Variants in FRMD5 observed in about 807,000 individuals in gnomAD.
FRMD5 encodes the protein FERM domain-containing protein 5.
FRMD5 carries 20 observed loss-of-function variants against 69.0 expected under a neutral mutation model. The ratio of observed to expected loss-of-function variants is 0.29; its 90% CI spans 0.20 to 0.42. The LOEUF (loss-of-function observed/expected upper bound fraction) is 0.42. Ranked by LOEUF, FRMD5 falls within the 10% of genes least tolerant of loss-of-function variation. FRMD5 has a pLI of 1.00. For synonymous variants in FRMD5, 271 were observed against 260.1 expected, an observed-to-expected ratio of 1.04 and a Z score of -0.40; for missense variants, 595 against 708.6, an observed-to-expected ratio of 0.84 and a Z score of 1.82.
At chr15:44,087,737 TATCATCATCATCATCATCATC>T (rs61525802) in intron 1 of FRMD5, among the ~76,000 whole-genome samples, 5 of 148,176 alleles carry the variant, frequency 3.4e-5, no homozygotes, top group East Asian at 2.0e-4. Context: ...TATCAGCTGC[TATCATCATCATCATCATCATC>T]ATCATCATCA....
In FRMD5 at chr15:44,106,212, AATT is replaced by A. The variant is rs557314723; in HGVS notation, c.102+88738_102+88740del. ...AATGGGTCTGATACCCAATAATTAAAATTATTTTAATAAGCCAAATTCTTCATG... is the reference window on the plus strand; with the variant it reads ...AATGGGTCTGATACCCAATAATTAAAATTTTAATAAGCCAAATTCTTCATG... On this transcript the variant is annotated intron_variant, in intron 1 of 13. Transcript: ENST00000417257. Among the ~76,000 whole-genome samples the A allele has an allele frequency of 2.0e-5, 3 of 152,296 alleles. No homozygotes were observed. In the South Asian group the frequency reaches 6.2e-4, roughly 32 times the overall value.
Position 43,871,219 on chromosome 15 carries a change from C to T in FRMD5, c.*2666G>A, listed in dbSNP as rs1299323700. 1.3e-5 allele frequency: 2 copies of T among 152,178 alleles called. No individual in the cohort carries two copies. The highest frequency in any genetic ancestry group is 4.8e-5 in the African/African-American group (2 of 41,450). 9.4% of individuals were successfully genotyped at this position (152,178 alleles called of 1,614,324 possible). ...TATTTGAAAAGCAAACTGAAGGAAA[C>T]TTTTCTATCCATATTTTCTGGGATG... On this transcript the variant is annotated 3_prime_UTR_variant, in exon 14 of 14. Transcript: ENST00000417257.
chr15:44,001,390 G>C (rs1190264843), intron 1 of FRMD5, among the ~76,000 whole-genome samples: 1 of 151,978 alleles, frequency 6.6e-6, no homozygotes, highest in African/African-American at 2.4e-5. Context: ...TCCCTCTGCT[G>C]TGCAGAAACT....
intron 13 of FRMD5, among the ~76,000 whole-genome samples, chr15:43,876,721 A>G (rs1035747608): frequency 2.0e-5 from 3 of 152,172 alleles, no homozygotes; most frequent in African/African-American, 7.2e-5. Flanking sequence ...GATGGGGTAG[A>G]AACTCTCTCT....
At chr15:43,889,922 C>T (rs1456689909) in intron 8 of FRMD5, among the ~76,000 whole-genome samples, 2 of 152,126 alleles carry the variant, frequency 1.3e-5, no homozygotes, top group Non-Finnish European at 2.9e-5. Flanking sequence ...TCCTTCATCT[C>T]CTAGGAAATA....
rs868078388 is a variant in FRMD5 at position 44,083,200 on chromosome 15, T to C, written c.102+111753A>G. 1.6e-4 allele frequency among the ~76,000 whole-genome samples: 25 copies of C among 151,998 alleles called. 1 individual carries two copies. The highest frequency in any genetic ancestry group is 2.0e-4 in the Admixed American group (3 of 15,220). ...GAAAGTGAAAAGAGAACTGGAAATA[T>C]GCAAATATCCTACTCTCTTTGGTAT... is the stretch of plus-strand genomic sequence containing the variant. On this transcript the variant is annotated intron_variant, in intron 1 of 13. Transcript: ENST00000417257.
intron 1 of FRMD5, among the ~76,000 whole-genome samples, chr15:44,011,406 A>G (rs910874965): frequency 6.6e-6 from 1 of 152,174 alleles, no homozygotes; most frequent in Non-Finnish European, 1.5e-5. Context: ...ACTAAGAGGG[A>G]AGAGTCAAAG....
intron 1 of FRMD5, among the ~76,000 whole-genome samples, chr15:44,103,893 T>C (rs1180156265): frequency 1.3e-5 from 2 of 152,224 alleles, no homozygotes; most frequent in African/African-American, 4.8e-5. Context: ...TGTAATGCGT[T>C]ACTCATATGT....
At chr15:43,906,883 G>A (rs977208749) in intron 5 of FRMD5, among the ~76,000 whole-genome samples, 1 of 152,100 alleles carries the variant, frequency 6.6e-6, no homozygotes, top group African/African-American at 2.4e-5. Flanking sequence ...TTACAGGCGT[G>A]AGCCACCGCA....
At chr15:44,071,127 G>C (rs1233489138) in intron 1 of FRMD5, among the ~76,000 whole-genome samples, 2 of 152,130 alleles carry the variant, frequency 1.3e-5, no homozygotes, top group East Asian at 3.8e-4. Context: ...TCTTCTCCCA[G>C]AAGCAAGAGC....
intron 1 of FRMD5, among the ~76,000 whole-genome samples, chr15:43,946,703 G>A (rs2089953323): frequency 6.6e-6 from 1 of 152,154 alleles, no homozygotes; most frequent in African/African-American, 2.4e-5. Flanking sequence ...AAAGAGTTCT[G>A]CTAGATGGGG....
chr15:44,126,209 T>A (rs1454662709), intron 1 of FRMD5, among the ~76,000 whole-genome samples: 2 of 152,314 alleles, frequency 1.3e-5, no homozygotes, highest in East Asian at 3.9e-4. Flanking sequence ...ACAATCCAGC[T>A]TGGTGAGTAA....
intron 1 of FRMD5, among the ~76,000 whole-genome samples, chr15:43,999,530 C>T (rs1463247944): frequency 2.0e-5 from 3 of 152,062 alleles, no homozygotes; most frequent in South Asian, 2.1e-4. Flanking sequence ...GCTGTATATT[C>T]GGTCTCCACA....
chr15:44,081,371 A>T (rs1294398565), intron 1 of FRMD5, among the ~76,000 whole-genome samples: 1 of 152,148 alleles, frequency 6.6e-6, no homozygotes, highest in African/African-American at 2.4e-5. Context: ...GTGTTACCAC[A>T]AAGTTCTCTG....
chr15:44,196,752 T>TCTC (rs1566999527), upstream of FRMD5, among the ~76,000 whole-genome samples: 30 of 72,004 alleles, frequency 4.2e-4, no homozygotes, highest in East Asian at 6.1e-3. Flanking sequence ...CTCTCTCTCT[T>TCTC]TCTCTCTCTC....
At chr15:43,916,968 C>T (rs113895396) in intron 4 of FRMD5, among the ~76,000 whole-genome samples, 67 of 152,010 alleles carry the variant, frequency 4.4e-4, no homozygotes, top group Middle Eastern at 3.4e-3. Flanking sequence ...TTAGTAGAGA[C>T]GGGGTTTCAC....
intron 1 of FRMD5, among the ~76,000 whole-genome samples, chr15:44,181,494 G>C (rs1441908105): frequency 6.6e-6 from 1 of 152,004 alleles, no homozygotes; most frequent in Non-Finnish European, 1.5e-5. Context: ...ATTTACATTA[G>C]CACTGAAATT....
chr15:43,964,409 G>T (rs1230026834), intron 1 of FRMD5, among the ~76,000 whole-genome samples: 1 of 150,694 alleles, frequency 6.6e-6, no homozygotes, highest in African/African-American at 2.4e-5. Flanking sequence ...GGTCATGCCT[G>T]TAATCCCAGC....
rs894235361 is a variant in FRMD5, at chr15:43,873,169, AC to A, written c.*715del. 2.3e-5 allele frequency: 35 copies of A among 1,549,836 alleles called. No individual in the cohort carries two copies. The highest frequency in any genetic ancestry group is 2.8e-5 in the Non-Finnish European group (32 of 1,146,470). Reference sequence around the variant, plus strand: ...GGCTCTAGACTAAGGGGACAGACTTACCCCACCCCTGATGCTGCTGTTGCTG... The same window carrying A: ...GGCTCTAGACTAAGGGGACAGACTTACCCACCCCTGATGCTGCTGTTGCTG... On this transcript the variant is annotated 3_prime_UTR_variant, in exon 14 of 14. Transcript: ENST00000417257.
Sources: gnomAD v4.1 joint callset for allele counts (sites outside exome capture counted in the v4.1 genomes callset) on GRCh38, gnomAD v4.1.1 for gene constraint, MANE v1.5 for transcripts, NCBI Gene and HGNC (gene_info 2026-07-23, HGNC 2026-07-21) for gene names.